The following CNOT6L variants were observed in gnomAD, a reference collection of about 807,000 sequenced individuals.
The protein encoded by CNOT6L is CCR4-NOT transcription complex subunit 6 like, also known as CCR4-NOT transcription complex subunit 6-like.
Under a neutral mutation model 64.0 loss-of-function variants are expected in CNOT6L, and 7 were observed. That is an observed-to-expected ratio of 0.11 (90% confidence interval 0.06 to 0.21). The LOEUF (loss-of-function observed/expected upper bound fraction) is 0.21. CNOT6L is among the 10% of genes least tolerant of loss of function. CNOT6L has a pLI of 1.00. For missense variants in CNOT6L, 245 were observed against 669.0 expected, an observed-to-expected ratio of 0.37 and a Z score of 6.99; for synonymous variants, 193 against 243.4, an observed-to-expected ratio of 0.79 and a Z score of 1.93.
At chr4:77,762,468 A>G (rs1726350313) in intron 4 of CNOT6L, among the ~76,000 whole-genome samples, 1 of 152,174 alleles carries the variant, frequency 6.6e-6, no homozygotes, top group Non-Finnish European at 1.5e-5. Flanking sequence ...TGTAGAAAGT[A>G]TAATCTTTTC....
chr4:77,782,758 G>A (rs573205660), intron 1 of CNOT6L, among the ~76,000 whole-genome samples: 5 of 151,782 alleles, frequency 3.3e-5, no homozygotes, highest in African/African-American at 9.7e-5. Flanking sequence ...AGGACTACAG[G>A]TGTCACCACT....
intron 1 of CNOT6L, among the ~76,000 whole-genome samples, chr4:77,800,290 C>T (rs960524427): frequency 3.9e-5 from 6 of 152,012 alleles, no homozygotes; most frequent in Non-Finnish European, 8.8e-5. Flanking sequence ...CTGCTTGAGC[C>T]CAGGCGTTCA....
At chr4:77,819,572 C>G, upstream of CNOT6L, 1 of 314,310 alleles carries the variant, frequency 3.2e-6, no homozygotes, top group Non-Finnish European at 5.5e-6. Flanking sequence ...TCTCGGGGGG[C>G]CCGCGCCCCC....
chr4:77,742,260 CAGAA>C lies in CNOT6L; in HGVS notation c.749_752del (p.Phe250CysfsTer4). The C allele has an allele frequency of 6.2e-7, 1 of 1,612,350 alleles. No individual in the cohort carries two copies. Reference sequence around the variant, plus strand: ...CATATCCACGCTCCTTCAATGCTGGCAGAAAGAGAGTGAAGTATTGCTCTGTTTC... The same window carrying C: ...CATATCCACGCTCCTTCAATGCTGGCAGAGAGTGAAGTATTGCTCTGTTTC... On this transcript the variant is annotated frameshift_variant, in exon 8 of 12. Transcript: ENST00000504123. LOFTEE classifies it high-confidence loss of function.
At chr4:77,792,045 T>C (rs1163452231) in intron 1 of CNOT6L, among the ~76,000 whole-genome samples, 2 of 152,206 alleles carry the variant, frequency 1.3e-5, no homozygotes, top group African/African-American at 2.4e-5. Flanking sequence ...TGTTTAGAAG[T>C]GCCTAAAGGT....
chr4:77,763,275 T>C (rs1432065937), intron 4 of CNOT6L, among the ~76,000 whole-genome samples: 2 of 152,052 alleles, frequency 1.3e-5, no homozygotes, highest in East Asian at 1.9e-4. Flanking sequence ...ATAAGAGCTA[T>C]ACCTAAATGT....
chr4:77,801,107 G>A (rs1373402249), intron 1 of CNOT6L, among the ~76,000 whole-genome samples: 1 of 152,166 alleles, frequency 6.6e-6, no homozygotes, highest in Non-Finnish European at 1.5e-5. Flanking sequence ...TAAAGAACAA[G>A]AGAACTTACA....
chr4:77,755,195 T>C (rs1241004424), intron 5 of CNOT6L, among the ~76,000 whole-genome samples: 3 of 147,878 alleles, frequency 2.0e-5, no homozygotes, highest in Non-Finnish European at 4.5e-5. Context: ...TATGGCTGGA[T>C]TGACTGGCTA....
intron 1 of CNOT6L, among the ~76,000 whole-genome samples, chr4:77,780,192 A>T (rs1483024514): frequency 6.6e-6 from 1 of 152,234 alleles, no homozygotes; most frequent in Admixed American, 6.5e-5. Flanking sequence ...TCTCATATAC[A>T]GCTCAGTTCA....
At chr4:77,803,623 G>A (rs182412657) in intron 1 of CNOT6L, among the ~76,000 whole-genome samples, 1 of 152,244 alleles carries the variant, frequency 6.6e-6, no homozygotes, top group East Asian at 1.9e-4. Flanking sequence ...CAGGAGGTAG[G>A]GCAGGTGCGG....
Position 77,742,449 on chromosome 4 carries a change from T to C in CNOT6L, c.718-154A>G, listed in dbSNP as rs537127657. On this transcript the variant is annotated intron_variant, in intron 7 of 11. Coordinates refer to ENST00000504123, the MANE Select transcript of CNOT6L (RefSeq NM_144571.3). The stretch of plus-strand genomic sequence containing the variant: ...ATCTTACCTGATTGCTAGCAGCTGC[T>C]ACTTGACAATGGCAGCTTTTTAAAC... 1.3e-4 allele frequency: 102 copies of C among 756,698 alleles called. 1 individual carries two copies. In the South Asian group the frequency reaches 1.5e-3, roughly 11 times the overall value. The allele number at this position is 756,698 out of a possible 1,614,324, so 46.9% of individuals were successfully genotyped here.
chr4:77,718,631 C>A lies in CNOT6L; in HGVS notation c.*1800G>T, dbSNP rs1254941253. ...CTTTTAAAAGGGAGTTCAGGCTTTA[C>A]AGAACCCTTCTGATGCAATCCCATG... On this transcript the variant is annotated 3_prime_UTR_variant, in exon 12 of 12. Coordinates refer to ENST00000504123, the MANE Select transcript of CNOT6L (RefSeq NM_144571.3). 1 of 152,570 alleles carries A rather than the reference C, an allele frequency of 6.6e-6. No individual in the cohort carries two copies. The highest frequency in any genetic ancestry group is 6.6e-5 in the Admixed American group (1 of 15,260). The allele number at this position is 152,570 out of a possible 1,614,324, so 9.5% of individuals were successfully genotyped here. A position where few individuals can be genotyped will look rare whatever the true frequency, so the allele number is the denominator to read the frequency against.
chr4:77,790,896 G>A (rs886323771), intron 1 of CNOT6L, among the ~76,000 whole-genome samples: 5 of 149,494 alleles, frequency 3.3e-5, no homozygotes, highest in Non-Finnish European at 7.4e-5. Context: ...TCCTGACCTC[G>A]TGATCCACCC....
chr4:77,733,480 G>A (rs1722653289), intron 8 of CNOT6L, among the ~76,000 whole-genome samples: 1 of 151,994 alleles, frequency 6.6e-6, no homozygotes, highest in Non-Finnish European at 1.5e-5. Context: ...GAGTGAACAT[G>A]TTATTTTCAA....
chr4:77,726,211 C>G lies in CNOT6L; in HGVS notation c.1411G>C (p.Glu471Gln). The change falls in exon 11 of 12, where the codon GAA becomes CAA. Residue 471 changes from glutamate to glutamine, a missense_variant. Around this residue, in one of 10 missense-constraint regions of CNOT6L, gnomAD observed 8 missense variants for 47.1 expected, o/e 0.17. Coordinates refer to ENST00000504123, the MANE Select transcript of CNOT6L (RefSeq NM_144571.3). ...THGFQLKSAY[E>Q]NNLMPYTNYT... ...TTGGTGTAAGGCATCAAGTTATTTT[C>G]ATAGGCGCTCTTAAGTTGGAAGCCA... 6.2e-7 allele frequency: 1 copy of G among 1,613,846 alleles called. No homozygotes were observed. The highest frequency in any genetic ancestry group is 8.5e-7 in the Non-Finnish European group (1 of 1,179,788).
rs572232665 is a variant in CNOT6L, at chr4:77,809,482, T to C, written c.5+9822A>G. 3.3e-5 allele frequency among the ~76,000 whole-genome samples: 5 copies of C among 152,324 alleles called. No homozygotes were observed. In the South Asian group the frequency reaches 1.0e-3, roughly 32 times the overall value. On this transcript the variant is annotated intron_variant, in intron 1 of 11. Transcript: ENST00000504123. ...TCTGACAGTGTTTCAAGGCTACCAT[T>C]CTGTATATAACTCACATTATGTTGT...
At chr4:77,812,504 A>T (rs1328451729) in intron 1 of CNOT6L, among the ~76,000 whole-genome samples, 3 of 151,646 alleles carry the variant, frequency 2.0e-5, no homozygotes, top group Non-Finnish European at 4.4e-5. Context: ...TACGAGATCA[A>T]CAAACATAAA....
intron 8 of CNOT6L, among the ~76,000 whole-genome samples, chr4:77,736,037 T>G (rs962909459): frequency 1.3e-5 from 2 of 152,230 alleles, no homozygotes; most frequent in African/African-American, 4.8e-5. Context: ...TACTTTTGAC[T>G]TTTAAAACTT....
At chr4:77,772,694 C>T (rs1468200904) in intron 4 of CNOT6L, among the ~76,000 whole-genome samples, 2 of 151,858 alleles carry the variant, frequency 1.3e-5, no homozygotes, top group African/African-American at 4.8e-5. Context: ...AGGCCGAGGC[C>T]GGCGGATCAC....
Sources: allele counts gnomAD v4.1 joint callset (sites outside exome capture counted in the v4.1 genomes callset), GRCh38; gene constraint gnomAD v4.1.1; regional missense constraint gnomAD v4.1.1; transcripts MANE v1.5; gene names NCBI Gene and HGNC (gene_info 2026-07-23, HGNC 2026-07-21).